The following TMEM100 variants were observed in gnomAD, a reference collection of about 807,000 sequenced individuals.
TMEM100 encodes the protein transmembrane protein 100.
For missense variants in TMEM100, 137 were observed against 168.2 expected (o/e 0.81, Z 1.02); for synonymous variants, 61 against 67.1 (o/e 0.91, Z 0.44).
chr17:55,730,905 A>G (rs1027630779), intron 1 of TMEM100, among the ~76,000 whole-genome samples: 2 of 152,200 alleles, frequency 1.3e-5, no homozygotes, highest in Non-Finnish European at 2.9e-5. Context: ...CTTCTTGTTT[A>G]CTTAAATAAA....
chr17:55,720,825 C>A lies in TMEM100; in HGVS notation c.246G>T (p.Gly82=), dbSNP rs1351882132. The change falls in exon 2 of 2, where the codon GGG becomes GGT. Residue 82 remains glycine (G), a synonymous_variant. Coordinates refer to ENST00000424486, the MANE Select transcript of TMEM100 (RefSeq NM_018286.3). ...TAVAYSFNSH[G]SIISIFGLVV... ...CCAGGCCAAAGATGGAGATAATAGA[C>A]CCATGGGAATTGAAGCTGTAAGCCA... 1 of 1,614,038 alleles carries A rather than the reference C, an allele frequency of 6.2e-7. No homozygotes were observed. The highest frequency in any genetic ancestry group is 2.2e-5 in the East Asian group (1 of 44,890).
intron 1 of TMEM100, among the ~76,000 whole-genome samples, chr17:55,722,368 C>T (rs1231898803): frequency 2.6e-5 from 4 of 152,232 alleles, no homozygotes; most frequent in African/African-American, 7.2e-5. Flanking sequence ...TCAAACCTCA[C>T]TGGTTCTTCC....
chr17:55,731,998 C>A (rs1358660599), exon 1 of TMEM100: 4 of 152,262 alleles, frequency 2.6e-5, no homozygotes, highest in Non-Finnish European at 4.4e-5. Context: ...ACAGGAGCAG[C>A]CAACTTTAGG....
intron 1 of TMEM100, among the ~76,000 whole-genome samples, chr17:55,729,784 T>A (rs1322896575): frequency 6.6e-6 from 1 of 152,202 alleles, no homozygotes; most frequent in African/African-American, 2.4e-5. Context: ...AATTTATTGA[T>A]GATACATTCA....
At chr17:55,724,485 T>C (rs1909010599), upstream of TMEM100, among the ~76,000 whole-genome samples, 1 of 152,156 alleles carries the variant, frequency 6.6e-6, no homozygotes, top group Non-Finnish European at 1.5e-5. Flanking sequence ...GGGTCAGGAA[T>C]ACTTAGAACC....
upstream of TMEM100, among the ~76,000 whole-genome samples, chr17:55,725,701 A>ATATGTGTGTG (rs71363812): frequency 1.4e-4 from 19 of 139,588 alleles, no homozygotes; most frequent in African/African-American, 4.1e-4. Context: ...ACCCATATAT[A>ATATGTGTGTG]TGTGTGTGTG....
At position 55,720,543 on chromosome 17, in the gene TMEM100, C is replaced by T. The variant is rs181291697; in HGVS notation, c.*123G>A. On this transcript the variant is annotated 3_prime_UTR_variant, in exon 2 of 2. Coordinates refer to ENST00000424486, the MANE Select transcript of TMEM100 (RefSeq NM_018286.3). ...AGGAGAAGCCCCTCCACCCTCCCAC[C>T]CCCATTCTTCCAGTCTGCTCCAACG... 17 of 1,136,398 alleles carry T rather than the reference C, an allele frequency of 1.5e-5. 1 individual carries two copies. Among genetic ancestry groups the T allele is most frequent in the Non-Finnish European group, 1.9e-5 (15 of 808,148 alleles). 70.4% of individuals were successfully genotyped at this position (1,136,398 alleles called of 1,614,324 possible).
upstream of TMEM100, among the ~76,000 whole-genome samples, chr17:55,726,762 G>C (rs1909085515): frequency 6.6e-6 from 1 of 152,182 alleles, no homozygotes; most frequent in Non-Finnish European, 1.5e-5. Context: ...CTGCATTTAT[G>C]TTCTGAAATC....
upstream of TMEM100, among the ~76,000 whole-genome samples, chr17:55,725,216 AC>A (rs781155232): frequency 9.2e-5 from 14 of 152,136 alleles, no homozygotes; most frequent in Non-Finnish European, 1.9e-4. Context: ...AAAGTATTAA[AC>A]ACCCCTGGGC....
At position 55,720,723 on chromosome 17, in the gene TMEM100, G is replaced by A. The variant is rs757180769; in HGVS notation, c.348C>T (p.Ala116=). Residue 116 remains alanine (A), a synonymous_variant, in exon 2 of 2, where the codon GCC becomes GCT. Transcript: ENST00000424486. ...GAGCTGTTTGACTCTCCCGTCTCTTGGCTTTCTTGCTCCTTTGTCTCACTT... is the reference window on the plus strand; with the variant it reads ...GAGCTGTTTGACTCTCCCGTCTCTTAGCTTTCTTGCTCCTTTGTCTCACTT... ...CWKVRQRSKK[A]KRRESQTALV... is the part of the protein sequence containing the mutation. 1.2e-6 allele frequency: 2 copies of A among 1,614,096 alleles called. No homozygotes were observed. The highest frequency in any genetic ancestry group is 1.1e-5 in the South Asian group (1 of 91,068).
At chr17:55,731,317 G>T (rs1444888164) in intron 1 of TMEM100, among the ~76,000 whole-genome samples, 2 of 152,074 alleles carry the variant, frequency 1.3e-5, no homozygotes, top group East Asian at 1.9e-4. Context: ...TGAGGTTTTG[G>T]ATCGCTTCCA....
In TMEM100 at chr17:55,722,815, G is replaced by C. The variant is rs1163974078; in HGVS notation, c.-262C>G. The C allele has an allele frequency of 1.3e-5, 2 of 152,256 alleles. No individual in the cohort carries two copies. Among genetic ancestry groups the C allele is most frequent in the African/African-American group, 2.4e-5 (1 of 41,434 alleles). 9.4% of individuals were successfully genotyped at this position (152,256 alleles called of 1,614,324 possible). A position where few individuals can be genotyped will look rare whatever the true frequency, so the allele number is the denominator to read the frequency against. On this transcript the variant is annotated 5_prime_UTR_variant, in exon 1 of 2. Transcript: ENST00000424486. ...TTTACTATAGGGTCTGCTCTGGTTT[G>C]GGATCCTGGAGTTCCTGCTTCTTTC...
upstream of TMEM100, among the ~76,000 whole-genome samples, chr17:55,725,371 G>A (rs893242170): frequency 3.3e-5 from 5 of 152,144 alleles, no homozygotes; most frequent in South Asian, 2.1e-4. Flanking sequence ...ACTCCTTTAA[G>A]TTTGGAGAAC....
exon 1 of TMEM100, chr17:55,731,947 G>C (rs993060964): frequency 2.6e-5 from 4 of 152,228 alleles, no homozygotes; most frequent in African/African-American, 9.6e-5. Context: ...CTGACATGAC[G>C]TAAGTCGGAG....
chr17:55,722,194 A>G (rs970064074), intron 1 of TMEM100, among the ~76,000 whole-genome samples: 2 of 152,232 alleles, frequency 1.3e-5, no homozygotes, highest in Non-Finnish European at 2.9e-5. Context: ...CTGCTCAGAC[A>G]TGGTTGAGTC....
chr17:55,730,998 C>T (rs930563750), intron 1 of TMEM100, among the ~76,000 whole-genome samples: 2 of 152,104 alleles, frequency 1.3e-5, no homozygotes, highest in Non-Finnish European at 2.9e-5. Flanking sequence ...GAGTACACAG[C>T]CACAGAATGA....
At chr17:55,723,988 G>A (rs369014029), upstream of TMEM100, among the ~76,000 whole-genome samples, 2 of 152,274 alleles carry the variant, frequency 1.3e-5, 1 homozygote. Context: ...GAGGAGAAAA[G>A]ATAATACTGG....
intron 1 of TMEM100, among the ~76,000 whole-genome samples, chr17:55,728,946 C>G (rs1271475035): frequency 6.6e-6 from 1 of 152,182 alleles, no homozygotes; most frequent in Non-Finnish European, 1.5e-5. Context: ...AAGTCTTCTA[C>G]AAAGAGCACT....
intron 1 of TMEM100, among the ~76,000 whole-genome samples, chr17:55,730,730 G>A (rs1230838764): frequency 1.2e-4 from 18 of 152,208 alleles, no homozygotes; most frequent in Admixed American, 1.2e-3. Context: ...TGTGTGGGTA[G>A]TAGGAAACAG....
Sources: gnomAD v4.1 joint callset for allele counts (sites outside exome capture counted in the v4.1 genomes callset) on GRCh38, gnomAD v4.1.1 for gene constraint, MANE v1.5 for transcripts, NCBI Gene and HGNC (gene_info 2026-07-23, HGNC 2026-07-21) for gene names.